ATRNL1: variants seen among roughly 807,000 people sequenced by gnomAD.
ATRNL1 encodes the protein attractin like 1, also known as attractin-like protein 1.
A neutral mutation model predicts 182.7 loss-of-function variants in ATRNL1; 95 were observed. The ratio of observed to expected loss-of-function variants is 0.52; its 90% CI spans 0.44 to 0.62. The LOEUF (loss-of-function observed/expected upper bound fraction) is 0.62. Among genes scored for constraint, ATRNL1 ranks in the 20% least tolerant of loss-of-function variants. ATRNL1 has a pLI of 0.00. For missense variants in ATRNL1, 1,471 were observed against 1,679.5 expected (o/e 0.88, Z 2.17); for synonymous variants, 576 against 568.3 (o/e 1.01, Z -0.19).
In ATRNL1 at chr10:115,450,108, C is replaced by T. The variant is rs561742819; in HGVS notation, c.3323-11833C>T. 3.3e-5 allele frequency among the ~76,000 whole-genome samples: 5 copies of T among 151,800 alleles called. No homozygotes were observed. In the South Asian group the frequency reaches 6.2e-4, roughly 19 times the overall value. On this transcript the variant is annotated intron_variant, in intron 21 of 28. Transcript: ENST00000355044. ...GGCTTTCTATAATTAAAAACTATAA[C>T]TTAGGTATTAAAGGAACATACCTCA...
intron 26 of ATRNL1, among the ~76,000 whole-genome samples, chr10:115,576,424 A>G (rs539633073): frequency 6.6e-6 from 1 of 152,160 alleles, no homozygotes; most frequent in South Asian, 2.1e-4. Context: ...TGTAATAGCC[A>G]TCATAACATG....
At position 115,212,501 on chromosome 10, in the gene ATRNL1, T is replaced by A. The variant is rs182787013; in HGVS notation, c.1349-3196T>A. On this transcript the variant is annotated intron_variant, in intron 8 of 28. Coordinates refer to ENST00000355044, the MANE Select transcript of ATRNL1 (RefSeq NM_207303.4). ...CTCAGCAATCCCATTACTAGGTATA[T>A]ATCCAAAGAAATATATTAATAAATT... 2.6e-5 allele frequency among the ~76,000 whole-genome samples: 4 copies of A among 152,082 alleles called. No homozygotes were observed. The East Asian group carries it at 7.7e-4, about 29-fold the overall frequency.
chr10:115,660,989 T>C (rs1457332713), intron 26 of ATRNL1, among the ~76,000 whole-genome samples: 1 of 152,054 alleles, frequency 6.6e-6, no homozygotes, highest in Admixed American at 6.6e-5. Flanking sequence ...AGATTCAGAT[T>C]TAGGGGAAGG....
intron 26 of ATRNL1, among the ~76,000 whole-genome samples, chr10:115,698,819 A>G (rs1461536586): frequency 6.6e-6 from 1 of 151,984 alleles, no homozygotes; most frequent in Non-Finnish European, 1.5e-5. Context: ...CAAAAAAAAG[A>G]GCAGCTATCC....
chr10:115,106,141 T>C, intron 1 of ATRNL1, among the ~76,000 whole-genome samples: 1 of 152,180 alleles, frequency 6.6e-6, no homozygotes. Flanking sequence ...ACCCACCTCT[T>C]GCATCAGCAT....
intron 26 of ATRNL1, among the ~76,000 whole-genome samples, chr10:115,552,968 C>T (rs1414634): frequency 0.3 from 45,224 of 150,966 alleles, 7,877 homozygotes; most frequent in East Asian, 0.68. Flanking sequence ...TTCAATGGCA[C>T]ATTCAGTTAT....
chr10:115,136,684 A>G (rs1845528564), intron 5 of ATRNL1, among the ~76,000 whole-genome samples: 1 of 152,194 alleles, frequency 6.6e-6, no homozygotes, highest in African/African-American at 2.4e-5. Context: ...TATGGTTGTA[A>G]TCATACAGTA....
chr10:115,368,159 G>A (rs1220443884), intron 19 of ATRNL1, among the ~76,000 whole-genome samples: 4 of 152,206 alleles, frequency 2.6e-5, no homozygotes, highest in African/African-American at 9.6e-5. Flanking sequence ...TCAGACTGCT[G>A]TGCTAGCAAT....
intron 27 of ATRNL1, among the ~76,000 whole-genome samples, chr10:115,760,944 G>C (rs1948719074): frequency 6.6e-6 from 1 of 152,190 alleles, no homozygotes; most frequent in South Asian, 2.1e-4. Context: ...GATAGGCGCA[G>C]TCAATAGATT....
intron 10 of ATRNL1, among the ~76,000 whole-genome samples, chr10:115,264,865 T>A (rs1295173425): frequency 6.6e-6 from 1 of 151,672 alleles, no homozygotes; most frequent in Non-Finnish European, 1.5e-5. Flanking sequence ...CTGACATTCA[T>A]AAGTTTTACT....
At chr10:115,514,470 G>A (rs1354683321) in intron 24 of ATRNL1, among the ~76,000 whole-genome samples, 1 of 121,350 alleles carries the variant, frequency 8.2e-6, no homozygotes, top group Non-Finnish European at 1.9e-5. Context: ...TATTCTTTGG[G>A]CAGATGTAAA....
At chr10:115,536,627 G>A (rs1482320788) in intron 25 of ATRNL1, among the ~76,000 whole-genome samples, 12 of 152,126 alleles carry the variant, frequency 7.9e-5, no homozygotes, top group African/African-American at 1.4e-4. Flanking sequence ...ACTGTCCTGC[G>A]CCCACTGTCT....
At chr10:115,548,381 C>T (rs1344821831) in intron 25 of ATRNL1, among the ~76,000 whole-genome samples, 26 of 152,138 alleles carry the variant, frequency 1.7e-4, no homozygotes, top group Admixed American at 1.4e-3. Context: ...GAAGACTTGA[C>T]AAGAGTGGAA....
chr10:115,789,392 C>G (rs181701559), intron 27 of ATRNL1, among the ~76,000 whole-genome samples: 1 of 152,042 alleles, frequency 6.6e-6, no homozygotes, highest in African/African-American at 2.4e-5. Flanking sequence ...AATGAAAAAG[C>G]CTGAATCGCT....
At chr10:115,223,887 A>ATGTGTGTG (rs1185815693) in intron 9 of ATRNL1, among the ~76,000 whole-genome samples, 261 of 79,948 alleles carry the variant, frequency 3.3e-3, no homozygotes, top group Non-Finnish European at 4.5e-3. Flanking sequence ...TATTTAATAT[A>ATGTGTGTG]TGTGTGTGTG....
At chr10:115,357,089 A>G (rs983223503) in intron 19 of ATRNL1, among the ~76,000 whole-genome samples, 2 of 151,904 alleles carry the variant, frequency 1.3e-5, no homozygotes, top group Admixed American at 6.6e-5. Flanking sequence ...ATATGGCACT[A>G]TTTGGTTTTT....
At chr10:115,780,853 A>G (rs1240719332) in intron 27 of ATRNL1, among the ~76,000 whole-genome samples, 1 of 152,186 alleles carries the variant, frequency 6.6e-6, no homozygotes, top group Non-Finnish European at 1.5e-5. Flanking sequence ...AGTGAGACTC[A>G]GATGTACTGG....
chr10:115,354,328 A>C (rs1314919138), intron 19 of ATRNL1, among the ~76,000 whole-genome samples: 1 of 152,112 alleles, frequency 6.6e-6, no homozygotes, highest in Non-Finnish European at 1.5e-5. Context: ...TCAGATTGAT[A>C]AAATCTCTTC....
intron 27 of ATRNL1, among the ~76,000 whole-genome samples, chr10:115,734,365 CA>C (rs1331457303): frequency 6.6e-6 from 1 of 152,094 alleles, no homozygotes; most frequent in African/African-American, 2.4e-5. Context: ...TAATTTGATA[CA>C]ATAAATGTTA....
Sources: allele counts gnomAD v4.1 joint callset (sites outside exome capture counted in the v4.1 genomes callset), GRCh38; gene constraint gnomAD v4.1.1; transcripts MANE v1.5; gene names NCBI Gene and HGNC (gene_info 2026-07-23, HGNC 2026-07-21).